Variants in MSANTD2 observed in about 807,000 individuals in gnomAD.
MSANTD2 encodes Myb/SANT DNA binding domain containing 2.
A neutral mutation model predicts 52.6 loss-of-function variants in MSANTD2; 19 were observed. The ratio of observed to expected loss-of-function variants is 0.36; its 90% CI spans 0.25 to 0.53. The LOEUF is 0.53. Among genes scored for constraint, MSANTD2 ranks in the 20% least tolerant of loss-of-function variants. The probability of loss-of-function intolerance (pLI) is 0.91; values close to 1 mark genes in which losing one functional copy is unlikely to be tolerated. For synonymous variants in MSANTD2, 291 were observed against 289.7 expected (o/e 1.00, Z -0.04); for missense variants, 558 against 716.3 (o/e 0.78, Z 2.52).
At position 124,767,794 on chromosome 11, in the gene MSANTD2, A is replaced by T. The variant is rs1302820854; in HGVS notation, c.1062T>A (p.Pro354=). 1.9e-6 allele frequency: 3 copies of T among 1,614,102 alleles called. No individual in the cohort carries two copies. The highest frequency in any genetic ancestry group is 1.7e-5 in the Admixed American group (1 of 60,008). Residue 354 remains proline, a synonymous_variant, in exon 4 of 4, where the codon CCT becomes CCA. Coordinates refer to ENST00000374979, the MANE Select transcript of MSANTD2 (RefSeq NM_001308027.2). This position sits in a 1 kb window ranked among gnomAD's most constrained non-coding sequence, Gnocchi z 6.5. ...RLREYFNSEK[P]EGRIIMTRVQ... ...CTCGGGTCATAATGATCCGTCCTTC[A>T]GGCTTCTCAGAGTTGAAGTACTCCC... is the stretch of plus-strand genomic sequence containing the variant.
At position 124,784,438 on chromosome 11, in the gene MSANTD2, A is replaced by G. The variant is rs183328611; in HGVS notation, c.511-9464T>C. 3.7e-3 allele frequency: 3,619 copies of G among 985,206 alleles called. 8 individuals carry two copies. The highest frequency in any genetic ancestry group is 5.8e-3 in the Admixed American group (94 of 16,246). The allele number at this position is 985,206 out of a possible 1,614,324, so 61.0% of individuals were successfully genotyped here. ...GTTAAAGTACTCCCAAACACCCTCC[A>G]CTACGAACTAATTATTCCATGGACA... is the stretch of plus-strand genomic sequence containing the variant. On this transcript the variant is annotated intron_variant, in intron 1 of 3. Transcript: ENST00000374979.
At chr11:124,794,620 CAG>C (rs1440023054) in intron 1 of MSANTD2, among the ~76,000 whole-genome samples, 13 of 152,284 alleles carry the variant, frequency 8.5e-5, no homozygotes, top group African/African-American at 3.1e-4. Context: ...CAGAGATGGG[CAG>C]AGTCTATTAA....
chr11:124,795,815 C>A (rs886692909), intron 1 of MSANTD2, among the ~76,000 whole-genome samples: 1 of 152,100 alleles, frequency 6.6e-6, no homozygotes, highest in Non-Finnish European at 1.5e-5. Context: ...AGAGAAAAAT[C>A]ATGCAATCAC....
chr11:124,769,471 CAT>C (rs774141074), intron 3 of MSANTD2, among the ~76,000 whole-genome samples: 5 of 152,206 alleles, frequency 3.3e-5, no homozygotes, highest in African/African-American at 4.8e-5. Flanking sequence ...GAGGCTAAGA[CAT>C]AGACCATATT....
rs1013669517 is a variant in MSANTD2 at position 124,782,866 on chromosome 11, T to C, written c.511-7892A>G. Among the ~76,000 whole-genome samples, 3 of 152,226 alleles carry C rather than the reference T, an allele frequency of 2.0e-5. No individual in the cohort carries two copies. In the East Asian group the frequency reaches 5.8e-4, roughly 29 times the overall value. On this transcript the variant is annotated intron_variant, in intron 1 of 3. Coordinates refer to ENST00000374979, the MANE Select transcript of MSANTD2 (RefSeq NM_001308027.2). ...TTCATTGCTTAACTAAAATAAATTA[T>C]CAAATCAATGAATCTTGATGGGCGG...
In MSANTD2 at chr11:124,774,787, T is replaced by C; in HGVS notation, c.698A>G (p.Asp233Gly). 2 of 1,614,200 alleles carry C rather than the reference T, an allele frequency of 1.2e-6. No homozygotes were observed. Among genetic ancestry groups the C allele is most frequent in the Non-Finnish European group, 1.7e-6 (2 of 1,180,030 alleles). Residue 233 changes from aspartate to glycine, a missense_variant, in exon 2 of 4, where the codon GAC (aspartate) becomes GGC (glycine). Coordinates refer to ENST00000374979, the MANE Select transcript of MSANTD2 (RefSeq NM_001308027.2). The surrounding 1 kb of genome is among the most constrained non-coding windows in gnomAD (Gnocchi z 5.1). ...ELESDGSTME[D>G]YSQEDWGNHS... The stretch of plus-strand genomic sequence containing the variant: ...GTTTCCCCAGTCCTCCTGTGAATAG[T>C]CCTCCATAGTGCTGCCATCTGACTC...
At chr11:124,772,742 C>CA (rs57859579) in intron 3 of MSANTD2, among the ~76,000 whole-genome samples, 4,120 of 57,794 alleles carry the variant, frequency 0.071, 541 homozygotes, top group Non-Finnish European at 0.11. Context: ...GATTCCGTCT[C>CA]AAAAAAAAAA....
At chr11:124,799,170 G>A (rs1591483610) in intron 1 of MSANTD2, among the ~76,000 whole-genome samples, 2 of 152,156 alleles carry the variant, frequency 1.3e-5, no homozygotes, top group Non-Finnish European at 2.9e-5. Flanking sequence ...AAACCGCAGG[G>A]CCTCAAGCCA....
At chr11:124,787,044 T>C (rs1007061612) in intron 1 of MSANTD2, among the ~76,000 whole-genome samples, 13 of 152,208 alleles carry the variant, frequency 8.5e-5, no homozygotes, top group African/African-American at 3.1e-4. Flanking sequence ...AGTACCTCCA[T>C]CATAGATTTG....
intron 1 of MSANTD2, chr11:124,791,621 C>A: frequency 6.8e-7 from 1 of 1,479,060 alleles, no homozygotes; most frequent in Non-Finnish European, 9.4e-7. Context: ...GTGGGATCGG[C>A]AGCTTCCATC....
chr11:124,792,653 T>C (rs1187731048), intron 1 of MSANTD2: 4 of 152,228 alleles, frequency 2.6e-5, no homozygotes, highest in Non-Finnish European at 5.9e-5. Context: ...AATATTGTAA[T>C]TGGTTCCTTA....
intron 1 of MSANTD2, chr11:124,789,543 A>G (rs1945265924): frequency 6.6e-6 from 1 of 152,234 alleles, no homozygotes; most frequent in Admixed American, 6.5e-5. Context: ...TTTCTAAAAT[A>G]CCTGAGAATA....
rs1331881043 is a variant in MSANTD2 at position 124,800,031 on chromosome 11, C to T, written c.350G>A (p.Gly117Asp). The T allele has an allele frequency of 1.9e-6, 3 of 1,582,024 alleles. No individual in the cohort carries two copies. Among genetic ancestry groups the T allele is most frequent in the Non-Finnish European group, 2.6e-6 (3 of 1,173,486 alleles). Reference sequence around the variant, plus strand: ...CCGCGCCTCCACCAGCCGCTCGTTGCCCCACACTGCGATGAGCGCGTTCGT... The same window carrying T: ...CCGCGCCTCCACCAGCCGCTCGTTGTCCCACACTGCGATGAGCGCGTTCGT... The part of the protein sequence containing the change: ...AETNALIAVW[G>D]NERLVEARYQ... The change falls in exon 1 of 4, where the codon GGC (glycine) becomes GAC (aspartate). Residue 117 changes from glycine to aspartate, a missense_variant. This residue lies in a region of MSANTD2 where 408 missense variants were observed against 573.6 expected (regional missense o/e 0.71). Coordinates refer to ENST00000374979, the MANE Select transcript of MSANTD2 (RefSeq NM_001308027.2). This position sits in a 1 kb window ranked among gnomAD's most constrained non-coding sequence, Gnocchi z 4.3.
intron 1 of MSANTD2, among the ~76,000 whole-genome samples, chr11:124,793,429 A>C (rs551597321): frequency 5.1e-4 from 77 of 152,190 alleles, no homozygotes; most frequent in Non-Finnish European, 9.3e-4. Flanking sequence ...CAGCTTAAAA[A>C]TCTTCCAGAG....
chr11:124,791,973 A>T (rs1235328309), intron 1 of MSANTD2: 2 of 225,178 alleles, frequency 8.9e-6, no homozygotes, highest in African/African-American at 4.6e-5. Context: ...AGCACTTAGA[A>T]TAGTGCATGG....
intron 1 of MSANTD2, among the ~76,000 whole-genome samples, chr11:124,787,109 A>G (rs992851193): frequency 3.1e-4 from 47 of 152,242 alleles, no homozygotes; most frequent in African/African-American, 1.1e-3. Flanking sequence ...GCCTGCACTC[A>G]GTAAATGTTT....
At chr11:124,794,641 T>C (rs1945436411) in intron 1 of MSANTD2, among the ~76,000 whole-genome samples, 1 of 152,232 alleles carries the variant, frequency 6.6e-6, no homozygotes, top group Admixed American at 6.5e-5. Flanking sequence ...AAAATGCTTA[T>C]CAGGGACAAT....
Position 124,767,131 on chromosome 11 carries a change from A to T in MSANTD2, c.*45T>A. The T allele has an allele frequency of 6.5e-7, 1 of 1,537,590 alleles. No individual in the cohort carries two copies. Reference sequence around the variant, plus strand: ...GTGGTCCGGGTAATGGGAAGTGAGTAGAGAAGAAGGAGCTAAGAGCCCAAA... The same window carrying T: ...GTGGTCCGGGTAATGGGAAGTGAGTTGAGAAGAAGGAGCTAAGAGCCCAAA... On this transcript the variant is annotated 3_prime_UTR_variant, in exon 4 of 4. Coordinates refer to ENST00000374979, the MANE Select transcript of MSANTD2 (RefSeq NM_001308027.2). The surrounding 1 kb of genome is among the most constrained non-coding windows in gnomAD (Gnocchi z 6.5).
rs943579748 is a variant in MSANTD2, at chr11:124,766,559, A to C, written c.*617T>G. ...AGGTTTAAATGGCAACACAACTGTA[A>C]AGTTGGTACATCACAGAAACAAAGG... On this transcript the variant is annotated 3_prime_UTR_variant, in exon 4 of 4. Transcript: ENST00000374979. 9.2e-5 allele frequency: 14 copies of C among 152,664 alleles called. No individual in the cohort carries two copies. The highest frequency in any genetic ancestry group is 2.6e-4 in the African/African-American group (11 of 41,562). The allele number at this position is 152,664 out of a possible 1,614,324, so 9.5% of individuals were successfully genotyped here.
Sources: gnomAD v4.1 joint callset for allele counts (sites outside exome capture counted in the v4.1 genomes callset) on GRCh38, gnomAD v4.1.1 for gene constraint, gnomAD v4.1.1 regional missense constraint, Gnocchi (gnomAD v3.1) non-coding constraint, MANE v1.5 for transcripts, NCBI Gene and HGNC (gene_info 2026-07-23, HGNC 2026-07-21) for gene names.